The following H2BC9 variants were observed in gnomAD, a reference collection of about 807,000 sequenced individuals.
The protein encoded by H2BC9 is histone H2B type 1-H.
A neutral mutation model predicts 5.8 loss-of-function variants in H2BC9; 11 were observed. The observed-to-expected ratio is 1.89, with a 90% confidence interval of 1.19 to 3.12. The LOEUF (loss-of-function observed/expected upper bound fraction) is 3.12. Ranked by LOEUF, H2BC9 falls within the 30% of genes most tolerant of loss-of-function variation. The probability of loss-of-function intolerance (pLI) is 0.00; values close to 1 mark genes in which losing one functional copy is unlikely to be tolerated. For missense variants in H2BC9, 219 were observed against 167.8 expected, an observed-to-expected ratio of 1.30 and a Z score of -1.68; for synonymous variants, 136 against 72.2, an observed-to-expected ratio of 1.88 and a Z score of -4.48.
chr6:26,251,763 A>C lies in H2BC9; in HGVS notation c.113A>C (p.Tyr38Ser). 6.2e-7 allele frequency: 1 copy of C among 1,614,176 alleles called. No homozygotes were observed. The highest frequency in any genetic ancestry group is 8.5e-7 in the Non-Finnish European group (1 of 1,180,026). The change falls in exon 1 of 1, where the codon TAC becomes TCC. Residue 38 changes from tyrosine (Y) to serine (S), a missense_variant. Physicochemically the swap from Tyr to Ser is moderately radical, Grantham distance 144. Transcript: ENST00000619466. ...KKRKRSRKES[Y>S]SVYVYKVLKQ... ...CGTAAACGCAGCCGCAAGGAGAGCT[A>C]CTCCGTATACGTTTACAAGGTGCTG...
chr6:26,251,914 G>A lies in H2BC9; in HGVS notation c.264G>A (p.Ser88=). 1 of 1,614,160 alleles carries A rather than the reference G, an allele frequency of 6.2e-7. No homozygotes were observed. Among genetic ancestry groups the A allele is most frequent in the Non-Finnish European group, 8.5e-7 (1 of 1,180,034 alleles). ...ASRLAHYNKR[S]TITSREIQTA... ...GCCTGGCTCATTACAACAAGCGTTCGACCATCACCTCCAGGGAGATCCAGA... is the reference window on the plus strand; with the variant it reads ...GCCTGGCTCATTACAACAAGCGTTCAACCATCACCTCCAGGGAGATCCAGA... Residue 88 remains serine (S), a synonymous_variant, in exon 1 of 1, where the codon TCG becomes TCA. Transcript: ENST00000619466.
rs768434500 is a variant in H2BC9 at position 26,251,857 on chromosome 6, T to C, written c.207T>C (p.Asp69=). Residue 69 remains aspartate, a synonymous_variant, in exon 1 of 1, where the codon GAT becomes GAC. Transcript: ENST00000619466. The part of the protein sequence containing the change: ...AMGIMNSFVN[D]IFERIAGEAS... ...GGATCATGAATTCCTTTGTCAACGA[T>C]ATCTTCGAGCGCATCGCCGGCGAGG... is the stretch of plus-strand genomic sequence containing the variant. 2.9e-5 allele frequency: 47 copies of C among 1,614,176 alleles called. No individual in the cohort carries two copies. In the South Asian group the frequency reaches 4.6e-4, roughly 16 times the overall value.
At position 26,251,808 on chromosome 6, in the gene H2BC9, C is replaced by T. The variant is rs1760083370; in HGVS notation, c.158C>T (p.Thr53Ile). ...GTGCTGAAGCAAGTCCACCCCGACA[C>T]CGGCATCTCCTCCAAAGCCATGGGG... ...YKVLKQVHPD[T>I]GISSKAMGIM... The change falls in exon 1 of 1, where the codon ACC (threonine) becomes ATC (isoleucine). Residue 53 changes from threonine (T) to isoleucine (I), a missense_variant. Coordinates refer to ENST00000619466, the MANE Select transcript of H2BC9 (RefSeq NM_003524.3). The T allele has an allele frequency of 1.9e-6, 3 of 1,614,116 alleles. No individual in the cohort carries two copies. Among genetic ancestry groups the T allele is most frequent in the African/African-American group, 1.3e-5 (1 of 74,936 alleles).
At position 26,251,932 on chromosome 6, in the gene H2BC9, G is replaced by C; in HGVS notation, c.282G>C (p.Glu94Asp). The C allele has an allele frequency of 6.2e-7, 1 of 1,614,242 alleles. No individual in the cohort carries two copies. The change falls in exon 1 of 1, where the codon GAG becomes GAC. Residue 94 changes from glutamate (E) to aspartate (D), a missense_variant. Glu to Asp is a conservative substitution (Grantham distance 45, BLOSUM62 2). Coordinates refer to ENST00000619466, the MANE Select transcript of H2BC9 (RefSeq NM_003524.3). ...YNKRSTITSREIQTAVRLLLP... is the reference protein window; with the variant it reads ...YNKRSTITSRDIQTAVRLLLP... ...AGCGTTCGACCATCACCTCCAGGGA[G>C]ATCCAGACAGCCGTGCGCCTGCTGC...
rs760244458 is a variant in H2BC9, at chr6:26,251,723, A to G, written c.73A>G (p.Lys25Glu). The G allele has an allele frequency of 1.2e-6, 2 of 1,614,080 alleles. No homozygotes were observed. Among genetic ancestry groups the G allele is most frequent in the Non-Finnish European group, 1.7e-6 (2 of 1,180,048 alleles). ...SKKAVTKAQK[K>E]DGKKRKRSRK... Reference sequence around the variant, plus strand: ...GAAGGCGGTGACCAAGGCGCAGAAGAAGGATGGCAAGAAGCGTAAACGCAG... The same window carrying G: ...GAAGGCGGTGACCAAGGCGCAGAAGGAGGATGGCAAGAAGCGTAAACGCAG... The change falls in exon 1 of 1, where the codon AAG becomes GAG. Residue 25 changes from lysine (K) to glutamate (E), a missense_variant. By Grantham distance (56) the Lys-to-Glu change is moderately conservative. Transcript: ENST00000619466.
rs779642503 is a variant in H2BC9, at chr6:26,251,902, C to T, written c.252C>T (p.Tyr84=). 1.9e-5 allele frequency: 30 copies of T among 1,614,122 alleles called. No homozygotes were observed. The East Asian group carries it at 2.0e-4, about 11-fold the overall frequency. The change falls in exon 1 of 1, where the codon TAC becomes TAT. Residue 84 remains tyrosine, a synonymous_variant. Coordinates refer to ENST00000619466, the MANE Select transcript of H2BC9 (RefSeq NM_003524.3). ...GCGAGGCTTCCCGCCTGGCTCATTA[C>T]AACAAGCGTTCGACCATCACCTCCA... The part of the protein sequence containing the change: ...IAGEASRLAH[Y]NKRSTITSRE...
chr6:26,251,618 T>C lies in H2BC9; in HGVS notation c.-33T>C, dbSNP rs944040959. 5.0e-6 allele frequency: 8 copies of C among 1,611,190 alleles called. No individual in the cohort carries two copies. Among genetic ancestry groups the C allele is most frequent in the Non-Finnish European group, 6.8e-6 (8 of 1,179,016 alleles). On this transcript the variant is annotated 5_prime_UTR_variant, in exon 1 of 1. Coordinates refer to ENST00000619466, the MANE Select transcript of H2BC9 (RefSeq NM_003524.3). ...CAGCTGTGCTGTTGAGCCTTCACTT[T>C]GGGGTGTATTCTTACTCCTTTATCT...
chr6:26,251,793 A>G lies in H2BC9; in HGVS notation c.143A>G (p.Gln48Arg). The G allele has an allele frequency of 6.2e-7, 1 of 1,614,256 alleles. No homozygotes were observed. Residue 48 changes from glutamine to arginine, a missense_variant, in exon 1 of 1, where the codon CAA becomes CGA. Gln to Arg is a conservative substitution (Grantham distance 43, BLOSUM62 1). Coordinates refer to ENST00000619466, the MANE Select transcript of H2BC9 (RefSeq NM_003524.3). ...YSVYVYKVLK[Q>R]VHPDTGISSK... ...GTATACGTTTACAAGGTGCTGAAGC[A>G]AGTCCACCCCGACACCGGCATCTCC...
Position 26,251,947 on chromosome 6 carries a change from G to T in H2BC9, c.297G>T (p.Val99=). ...TITSREIQTA[V]RLLLPGELAK... ...CCTCCAGGGAGATCCAGACAGCCGT[G>T]CGCCTGCTGCTGCCTGGGGAACTGG... Residue 99 remains valine (V), a synonymous_variant, in exon 1 of 1, where the codon GTG becomes GTT. Transcript: ENST00000619466. 1 of 1,614,244 alleles carries T rather than the reference G, an allele frequency of 6.2e-7. No homozygotes were observed. Among genetic ancestry groups the T allele is most frequent in the South Asian group, 1.1e-5 (1 of 91,092 alleles).
Position 26,251,813 on chromosome 6 carries a change from A to G in H2BC9, c.163A>G (p.Ile55Val). The G allele has an allele frequency of 1.2e-6, 2 of 1,614,248 alleles. No homozygotes were observed. The highest frequency in any genetic ancestry group is 1.7e-6 in the Non-Finnish European group (2 of 1,180,036). Reference sequence around the variant, plus strand: ...GAAGCAAGTCCACCCCGACACCGGCATCTCCTCCAAAGCCATGGGGATCAT... The same window carrying G: ...GAAGCAAGTCCACCCCGACACCGGCGTCTCCTCCAAAGCCATGGGGATCAT... ...VLKQVHPDTG[I>V]SSKAMGIMNS... is the part of the protein sequence containing the mutation. The change falls in exon 1 of 1, where the codon ATC (isoleucine) becomes GTC (valine). Residue 55 changes from isoleucine (I) to valine (V), a missense_variant. Ile to Val is a conservative substitution (Grantham distance 29, BLOSUM62 3). Coordinates refer to ENST00000619466, the MANE Select transcript of H2BC9 (RefSeq NM_003524.3).
In H2BC9 at chr6:26,251,739, G is replaced by T. The variant is rs149934542; in HGVS notation, c.89G>T (p.Arg30Leu). 2.0e-5 allele frequency: 32 copies of T among 1,614,070 alleles called. No individual in the cohort carries two copies. The highest frequency in any genetic ancestry group is 2.7e-5 in the Non-Finnish European group (32 of 1,180,052). The stretch of plus-strand genomic sequence containing the variant: ...GCGCAGAAGAAGGATGGCAAGAAGC[G>T]TAAACGCAGCCGCAAGGAGAGCTAC... ...TKAQKKDGKK[R>L]KRSRKESYSV... Residue 30 changes from arginine (R) to leucine (L), a missense_variant, in exon 1 of 1, where the codon CGT (arginine) becomes CTT (leucine). Coordinates refer to ENST00000619466, the MANE Select transcript of H2BC9 (RefSeq NM_003524.3).
rs1390651889 is a variant in H2BC9 at position 26,251,777 on chromosome 6, T to C, written c.127T>C (p.Tyr43His). The C allele has an allele frequency of 5.0e-6, 8 of 1,614,060 alleles. No homozygotes were observed. Among genetic ancestry groups the C allele is most frequent in the African/African-American group, 1.3e-5 (1 of 74,918 alleles). ...CAAGGAGAGCTACTCCGTATACGTT[T>C]ACAAGGTGCTGAAGCAAGTCCACCC... ...SRKESYSVYV[Y>H]KVLKQVHPDT... The change falls in exon 1 of 1, where the codon TAC becomes CAC. Residue 43 changes from tyrosine to histidine, a missense_variant. By Grantham distance (83) the Tyr-to-His change is moderately conservative. Transcript: ENST00000619466.
chr6:26,251,972 G>A lies in H2BC9; in HGVS notation c.322G>A (p.Ala108Thr), dbSNP rs1379428825. The change falls in exon 1 of 1, where the codon GCC becomes ACC. Residue 108 changes from alanine to threonine, a missense_variant. By Grantham distance (58) the Ala-to-Thr change is moderately conservative. Transcript: ENST00000619466. ...GCGCCTGCTGCTGCCTGGGGAACTG[G>A]CCAAGCACGCCGTGTCCGAGGGCAC... is the stretch of plus-strand genomic sequence containing the variant. ...AVRLLLPGEL[A>T]KHAVSEGTKA... 1.9e-6 allele frequency: 3 copies of A among 1,614,088 alleles called. No individual in the cohort carries two copies. The highest frequency in any genetic ancestry group is 2.5e-6 in the Non-Finnish European group (3 of 1,180,040).
rs1760082975 is a variant in H2BC9, at chr6:26,251,797, CCACCCCGA to C, written c.152_159del (p.Pro51ArgfsTer64). ...ACGTTTACAAGGTGCTGAAGCAAGTCCACCCCGACACCGGCATCTCCTCCAAAGCCATG... is the reference window on the plus strand; with the variant it reads ...ACGTTTACAAGGTGCTGAAGCAAGTCCACCGGCATCTCCTCCAAAGCCATG... On this transcript the variant is annotated frameshift_variant, in exon 1 of 1. Coordinates refer to ENST00000619466, the MANE Select transcript of H2BC9 (RefSeq NM_003524.3). LOFTEE classifies it high-confidence loss of function. The C allele has an allele frequency of 2.5e-6, 4 of 1,614,228 alleles. No individual in the cohort carries two copies. Among genetic ancestry groups the C allele is most frequent in the Non-Finnish European group, 3.4e-6 (4 of 1,180,038 alleles).
rs756034251 is a variant in H2BC9, at chr6:26,251,634, T to C, written c.-17T>C. The C allele has an allele frequency of 3.7e-6, 6 of 1,613,434 alleles. No individual in the cohort carries two copies. In the African/African-American group the frequency reaches 6.7e-5, roughly 18 times the overall value. ...CCTTCACTTTGGGGTGTATTCTTAC[T>C]CCTTTATCTTGTTGCAATGCCTGAT... On this transcript the variant is annotated 5_prime_UTR_variant, in exon 1 of 1. Coordinates refer to ENST00000619466, the MANE Select transcript of H2BC9 (RefSeq NM_003524.3).
chr6:26,251,934 T>A lies in H2BC9; in HGVS notation c.284T>A (p.Ile95Asn). Residue 95 changes from isoleucine (I) to asparagine (N), a missense_variant, in exon 1 of 1, where the codon ATC becomes AAC. Physicochemically the swap from Ile to Asn is moderately radical, Grantham distance 149. Coordinates refer to ENST00000619466, the MANE Select transcript of H2BC9 (RefSeq NM_003524.3). ...NKRSTITSRE[I>N]QTAVRLLLPG... is the part of the protein sequence containing the mutation. ...CGTTCGACCATCACCTCCAGGGAGA[T>A]CCAGACAGCCGTGCGCCTGCTGCTG... The A allele has an allele frequency of 1.2e-6, 2 of 1,614,164 alleles. No individual in the cohort carries two copies. The highest frequency in any genetic ancestry group is 1.7e-6 in the Non-Finnish European group (2 of 1,180,038).
At position 26,251,935 on chromosome 6, in the gene H2BC9, C is replaced by G. The variant is rs753701048; in HGVS notation, c.285C>G (p.Ile95Met). 6.2e-7 allele frequency: 1 copy of G among 1,614,234 alleles called. No homozygotes were observed. The highest frequency in any genetic ancestry group is 8.5e-7 in the Non-Finnish European group (1 of 1,180,048). ...GTTCGACCATCACCTCCAGGGAGAT[C>G]CAGACAGCCGTGCGCCTGCTGCTGC... is the stretch of plus-strand genomic sequence containing the variant. The part of the protein sequence containing the change: ...NKRSTITSRE[I>M]QTAVRLLLPG... Residue 95 changes from isoleucine to methionine, a missense_variant, in exon 1 of 1, where the codon ATC becomes ATG. By Grantham distance (10) the Ile-to-Met change is conservative (BLOSUM62 1). Transcript: ENST00000619466.
In H2BC9 at chr6:26,251,646, T is replaced by C. The variant is rs1464188233; in HGVS notation, c.-5T>C. 6.2e-7 allele frequency: 1 copy of C among 1,614,072 alleles called. No individual in the cohort carries two copies. The highest frequency in any genetic ancestry group is 2.2e-5 in the East Asian group (1 of 44,878). ...GGTGTATTCTTACTCCTTTATCTTGTTGCAATGCCTGATCCAGCTAAGTCC... is the reference window on the plus strand; with the variant it reads ...GGTGTATTCTTACTCCTTTATCTTGCTGCAATGCCTGATCCAGCTAAGTCC... On this transcript the variant is annotated 5_prime_UTR_variant, in exon 1 of 1. Coordinates refer to ENST00000619466, the MANE Select transcript of H2BC9 (RefSeq NM_003524.3).
chr6:26,252,031 A>G lies in H2BC9; in HGVS notation c.381A>G (p.Ter127=), dbSNP rs147749670. 3.7e-6 allele frequency: 6 copies of G among 1,614,118 alleles called. No homozygotes were observed. The highest frequency in any genetic ancestry group is 3.3e-5 in the Admixed American group (2 of 59,998). Residue 127 remains the stop codon, a stop_retained_variant, in exon 1 of 1, where the codon TAA becomes TAG. Coordinates refer to ENST00000619466, the MANE Select transcript of H2BC9 (RefSeq NM_003524.3). ...TCACCAAGTACACCAGCTCCAAATA[A>G]ATGGACGCATGTTCAAACCCAAAGG... ...KAVTKYTSSK[*] is the part of the protein sequence containing the mutation.
Sources: allele counts gnomAD v4.1 joint callset, GRCh38; gene constraint gnomAD v4.1.1; transcripts MANE v1.5; gene names NCBI Gene and HGNC (gene_info 2026-07-23, HGNC 2026-07-21).